CENPW: variants seen among roughly 807,000 people sequenced by gnomAD.
CENPW encodes cancer-up-regulated gene 2 protein.
A neutral mutation model predicts 11.1 loss-of-function variants in CENPW; 3 were observed. The ratio of observed to expected loss-of-function variants is 0.27; its 90% CI spans 0.12 to 0.70. The LOEUF is 0.70. Among genes scored for constraint, CENPW ranks in the 30% least tolerant of loss-of-function variants. The pLI, the probability that CENPW is intolerant of heterozygous loss-of-function variation, is 0.77. For missense variants in CENPW, 100 were observed against 105.6 expected (o/e 0.95, Z 0.23); for synonymous variants, 38 against 42.0 (o/e 0.91, Z 0.37).
At chr6:126,450,862 A>G in the CENPW span, among the ~76,000 whole-genome samples, 2 of 151,072 alleles carry the variant, frequency 1.3e-5, no homozygotes, top group East Asian at 2.0e-4. Flanking sequence ...TAACAATACA[A>G]CATTTAACCT....
chr6:126,377,747 G>A, the CENPW span, among the ~76,000 whole-genome samples: 1 of 152,180 alleles, frequency 6.6e-6, no homozygotes, highest in Non-Finnish European at 1.5e-5. Context: ...ATATCACAAA[G>A]TCTCTTCCAA....
the CENPW span, among the ~76,000 whole-genome samples, chr6:126,374,808 C>T: frequency 2.0e-5 from 3 of 152,146 alleles, no homozygotes; most frequent in Admixed American, 2.0e-4. Flanking sequence ...TGATTACTAG[C>T]TATATGAGTA....
At chr6:126,430,620 T>C in the CENPW span, among the ~76,000 whole-genome samples, 3 of 152,058 alleles carry the variant, frequency 2.0e-5, no homozygotes, top group Non-Finnish European at 4.4e-5. Context: ...TTCATAGTAG[T>C]GGGTGGTAGG....
chr6:126,444,866 C>A, the CENPW span, among the ~76,000 whole-genome samples: 1 of 151,108 alleles, frequency 6.6e-6, no homozygotes, highest in Non-Finnish European at 1.5e-5. Context: ...GTCAGATGAG[C>A]CTGCCCAGTT....
the CENPW span, among the ~76,000 whole-genome samples, chr6:126,374,115 T>A: frequency 6.6e-6 from 1 of 152,256 alleles, no homozygotes; most frequent in Non-Finnish European, 1.5e-5. Flanking sequence ...GGATCCTCTG[T>A]TGGGAAGAAC....
the CENPW span, among the ~76,000 whole-genome samples, chr6:126,455,760 A>G: frequency 1.3e-5 from 2 of 151,204 alleles, no homozygotes; most frequent in African/African-American, 2.4e-5. Context: ...ATCCAAATAG[A>G]AAGAGAAGAA....
the CENPW span, among the ~76,000 whole-genome samples, chr6:126,467,466 T>C: frequency 2.7e-4 from 41 of 151,712 alleles, no homozygotes; most frequent in Admixed American, 2.7e-3. Context: ...AAAAAACAAA[T>C]AAATACCACA....
chr6:126,369,654 G>C, the CENPW span, among the ~76,000 whole-genome samples: 1 of 152,090 alleles, frequency 6.6e-6, no homozygotes, highest in South Asian at 2.1e-4. Context: ...ATGTTTTTGA[G>C]TTCTTTGTAG....
the CENPW span, among the ~76,000 whole-genome samples, chr6:126,474,679 T>C: frequency 6.6e-6 from 1 of 152,150 alleles, no homozygotes; most frequent in Non-Finnish European, 1.5e-5. Flanking sequence ...ATAATGTAAA[T>C]CATATGCAAA....
chr6:126,363,805 T>G, the CENPW span, among the ~76,000 whole-genome samples: 1 of 152,176 alleles, frequency 6.6e-6, no homozygotes, highest in Non-Finnish European at 1.5e-5. Flanking sequence ...TTTGTTAAGA[T>G]TTTTTGTTTC....
the CENPW span, among the ~76,000 whole-genome samples, chr6:126,461,095 CTG>C: frequency 6.6e-6 from 1 of 151,882 alleles, no homozygotes; most frequent in African/African-American, 2.4e-5. Flanking sequence ...CGGTTTGGCT[CTG>C]TGTCTCCACC....
the CENPW span, among the ~76,000 whole-genome samples, chr6:126,361,160 G>C: frequency 4.6e-5 from 7 of 152,260 alleles, no homozygotes; most frequent in Admixed American, 1.3e-4. Flanking sequence ...TCTTATACTT[G>C]TTTTCACAGG....
chr6:126,422,734 CTA>C, the CENPW span, among the ~76,000 whole-genome samples: 1 of 152,140 alleles, frequency 6.6e-6, no homozygotes, highest in African/African-American at 2.4e-5. Context: ...GAAGTAGGGA[CTA>C]TTATATAAGA....
At chr6:126,469,536 A>G in the CENPW span, among the ~76,000 whole-genome samples, 3 of 152,218 alleles carry the variant, frequency 2.0e-5, no homozygotes, top group East Asian at 5.8e-4. Context: ...AGGTAGCCTG[A>G]AAATGTGGAA....
the CENPW span, among the ~76,000 whole-genome samples, chr6:126,411,496 T>G: frequency 1.3e-5 from 2 of 152,144 alleles, no homozygotes; most frequent in Non-Finnish European, 2.9e-5. Context: ...GGTCCTAAAC[T>G]TGATGTTTCT....
At chr6:126,450,470 A>G in the CENPW span, among the ~76,000 whole-genome samples, 8 of 151,112 alleles carry the variant, frequency 5.3e-5, no homozygotes, top group African/African-American at 1.9e-4. Context: ...ACAACCAGTA[A>G]GTACTAGAGT....
At chr6:126,362,757 TG>T in the CENPW span, among the ~76,000 whole-genome samples, 2 of 152,208 alleles carry the variant, frequency 1.3e-5, no homozygotes, top group African/African-American at 4.8e-5. Flanking sequence ...TTCTATGTCC[TG>T]TCTTCTGATT....
the CENPW span, among the ~76,000 whole-genome samples, chr6:126,387,318 A>C: frequency 6.6e-6 from 1 of 151,986 alleles, no homozygotes. Context: ...GAAGTAAGAA[A>C]GAGTGATTAG....
chr6:126,479,792 T>C, the CENPW span, among the ~76,000 whole-genome samples: 1 of 152,070 alleles, frequency 6.6e-6, no homozygotes, highest in African/African-American at 2.4e-5. Context: ...GATTCTATCA[T>C]TTTATTTATA....
Sources: gnomAD v4.1 joint callset for allele counts (sites outside exome capture counted in the v4.1 genomes callset) on GRCh38, gnomAD v4.1.1 for gene constraint, MANE v1.5 for transcripts, NCBI Gene and HGNC (gene_info 2026-07-23, HGNC 2026-07-21) for gene names.